The following RTN4IP1 variants were observed in gnomAD, a reference collection of about 807,000 sequenced individuals.
The protein encoded by RTN4IP1 is reticulon 4 interacting protein 1.
In RTN4IP1, 32 loss-of-function variants were observed where a neutral mutation model predicts 46.6. The ratio of observed to expected loss-of-function variants is 0.69; its 90% CI spans 0.52 to 0.92. The LOEUF (loss-of-function observed/expected upper bound fraction) is 0.92. RTN4IP1 is among the 40% of genes least tolerant of loss of function. The probability of loss-of-function intolerance (pLI) is 0.00; values close to 1 mark genes in which losing one functional copy is unlikely to be tolerated. For missense variants in RTN4IP1, 424 were observed against 485.8 expected, an observed-to-expected ratio of 0.87 and a Z score of 1.20; for synonymous variants, 167 against 161.8, an observed-to-expected ratio of 1.03 and a Z score of -0.24.
chr6:106,612,590 A>AT (rs1382324334), intron 4 of RTN4IP1, among the ~76,000 whole-genome samples: 2 of 151,044 alleles, frequency 1.3e-5, no homozygotes, highest in Non-Finnish European at 2.9e-5. Flanking sequence ...AATAATTAAT[A>AT]TGTCAGTATG....
At chr6:106,616,151 T>G (rs1776350574) in intron 4 of RTN4IP1, among the ~76,000 whole-genome samples, 1 of 152,188 alleles carries the variant, frequency 6.6e-6, no homozygotes, top group African/African-American at 2.4e-5. Flanking sequence ...TCTCCTGACC[T>G]CTTGATCCAC....
intron 4 of RTN4IP1, among the ~76,000 whole-genome samples, chr6:106,608,321 G>A (rs1201450799): frequency 1.3e-5 from 2 of 152,180 alleles, no homozygotes; most frequent in East Asian, 3.8e-4. Context: ...TGGTTTATCA[G>A]TCGCCAGGAA....
intron 8 of RTN4IP1, among the ~76,000 whole-genome samples, chr6:106,580,834 T>A (rs1582859348): frequency 6.6e-6 from 1 of 152,020 alleles, no homozygotes; most frequent in East Asian, 1.9e-4. Flanking sequence ...AACATAAATA[T>A]TGGGTTATCC....
At chr6:106,588,771 A>G (rs72945007) in intron 6 of RTN4IP1, among the ~76,000 whole-genome samples, 11,050 of 152,212 alleles carry the variant, frequency 0.073, 588 homozygotes, top group East Asian at 0.2. Flanking sequence ...TCCTAAAACC[A>G]CTTTGGCCAA....
chr6:106,585,527 C>T (rs1214587315), intron 7 of RTN4IP1, among the ~76,000 whole-genome samples: 3 of 152,204 alleles, frequency 2.0e-5, no homozygotes, highest in Non-Finnish European at 2.9e-5. Flanking sequence ...ACAACTGCCA[C>T]ATCTGTAACT....
intron 1 of RTN4IP1, among the ~76,000 whole-genome samples, chr6:106,623,929 T>A (rs1011534835): frequency 6.6e-6 from 1 of 152,232 alleles, no homozygotes; most frequent in Non-Finnish European, 1.5e-5. Flanking sequence ...CCAGTAATGA[T>A]CCCCACATCC....
At position 106,628,731 on chromosome 6, in the gene RTN4IP1, G is replaced by C; in HGVS notation, c.274+17C>G. ...TGATTTTTTTAAAAAAGGTAACAAT[G>C]TCTTTTGAAAACTTACTTCTCATAT... On this transcript the variant is annotated intron_variant, in intron 1 of 8. Coordinates refer to ENST00000369063, the MANE Select transcript of RTN4IP1 (RefSeq NM_032730.5). The C allele has an allele frequency of 6.3e-7, 1 of 1,587,604 alleles. No homozygotes were observed. The highest frequency in any genetic ancestry group is 8.6e-7 in the Non-Finnish European group (1 of 1,162,278).
chr6:106,577,874 G>C (rs60052218), intron 8 of RTN4IP1, among the ~76,000 whole-genome samples: 21,534 of 152,070 alleles, frequency 0.14, 1,755 homozygotes, highest in African/African-American at 0.21. Flanking sequence ...AGATCCTCCC[G>C]TATAGCCTGC....
Position 106,572,043 on chromosome 6 carries a change from C to G in RTN4IP1, c.1144G>C (p.Val382Leu). Reference protein sequence around the residue: ...FSKVPEAFLKVERGHARGKTV... With the variant: ...FSKVPEAFLKLERGHARGKTV... ...TTTCCTCGTGCGTGTCCTCTTTCCA[C>G]CTTCAGGAAGGCTTCTGGAACTTTA... The change falls in exon 9 of 9, where the codon GTG becomes CTG. Residue 382 changes from valine to leucine, a missense_variant. Coordinates refer to ENST00000369063, the MANE Select transcript of RTN4IP1 (RefSeq NM_032730.5). 6.2e-7 allele frequency: 1 copy of G among 1,614,002 alleles called. No individual in the cohort carries two copies. Among genetic ancestry groups the G allele is most frequent in the Non-Finnish European group, 8.5e-7 (1 of 1,179,920 alleles).
intron 5 of RTN4IP1, among the ~76,000 whole-genome samples, chr6:106,595,397 A>G (rs1489344411): frequency 6.6e-6 from 1 of 152,084 alleles, no homozygotes; most frequent in East Asian, 1.9e-4. Flanking sequence ...TTATTATCTT[A>G]GCAGCTGTCA....
chr6:106,579,518 T>C (rs1158999536), intron 8 of RTN4IP1, among the ~76,000 whole-genome samples: 1 of 152,132 alleles, frequency 6.6e-6, no homozygotes, highest in African/African-American at 2.4e-5. Context: ...TTAGGAAATT[T>C]CAGCTCCTCT....
chr6:106,581,046 A>C (rs1775359933), intron 8 of RTN4IP1, among the ~76,000 whole-genome samples: 1 of 151,512 alleles, frequency 6.6e-6, no homozygotes, highest in African/African-American at 2.4e-5. Context: ...GAAAGAAGAG[A>C]GAGAGAGGAA....
chr6:106,622,781 TG>T, intron 2 of RTN4IP1, 36 bp downstream of exon 2: 1 of 1,587,674 alleles, frequency 6.3e-7, no homozygotes. Context: ...GTCTGTGGGT[TG>T]GATCCCCGCA....
chr6:106,611,124 CTA>C (rs752223967), intron 4 of RTN4IP1, among the ~76,000 whole-genome samples: 17 of 151,964 alleles, frequency 1.1e-4, no homozygotes, highest in Non-Finnish European at 2.4e-4. Flanking sequence ...CTTCAAGTTT[CTA>C]TATTCTGACT....
At chr6:106,612,384 C>CAAAAA (rs1180927898) in intron 4 of RTN4IP1, among the ~76,000 whole-genome samples, 1 of 18,908 alleles carries the variant, frequency 5.3e-5, no homozygotes, top group African/African-American at 2.1e-4. Flanking sequence ...AAGACTCCGT[C>CAAAAA]AAAAAAAAAA....
chr6:106,595,043 C>T (rs1257371769), intron 5 of RTN4IP1, among the ~76,000 whole-genome samples: 1 of 152,184 alleles, frequency 6.6e-6, no homozygotes, highest in African/African-American at 2.4e-5. Flanking sequence ...CTCACGTGAT[C>T]CACCCGCCTT....
intron 4 of RTN4IP1, among the ~76,000 whole-genome samples, chr6:106,615,397 AAACCT>A: frequency 6.6e-6 from 1 of 151,862 alleles, no homozygotes; most frequent in Non-Finnish European, 1.5e-5. Context: ...TACTGCCATA[AAACCT>A]AATATCAAAA....
intron 5 of RTN4IP1, among the ~76,000 whole-genome samples, chr6:106,592,651 C>T (rs887314166): frequency 6.6e-6 from 1 of 152,130 alleles, no homozygotes; most frequent in African/African-American, 2.4e-5. Context: ...TTGCCAAGTG[C>T]GGTGGCTCAC....
At chr6:106,608,722 C>A (rs1307605662) in intron 4 of RTN4IP1, among the ~76,000 whole-genome samples, 2 of 152,170 alleles carry the variant, frequency 1.3e-5, no homozygotes, top group Non-Finnish European at 2.9e-5. Flanking sequence ...CTTCAGAGGG[C>A]AGAGGTAAAG....
Sources: gnomAD v4.1 joint callset for allele counts (sites outside exome capture counted in the v4.1 genomes callset) on GRCh38, gnomAD v4.1.1 for gene constraint, MANE v1.5 for transcripts, NCBI Gene and HGNC (gene_info 2026-07-23, HGNC 2026-07-21) for gene names.